Variants in LSAMP observed in about 807,000 individuals in gnomAD.
LSAMP encodes the protein limbic system-associated membrane protein.
In LSAMP, 7 loss-of-function variants were observed where a neutral mutation model predicts 38.6. The observed-to-expected ratio is 0.18, with a 90% CI of 0.10 to 0.34. The LOEUF is 0.34. Among genes scored for constraint, LSAMP ranks in the 10% least tolerant of loss-of-function variants. The pLI is 1.00. For missense variants in LSAMP, 313 were observed against 420.0 expected (o/e 0.75, Z 2.23); for synonymous variants, 154 against 166.8 (o/e 0.92, Z 0.59).
At chr3:116,052,499 T>C (rs896038137) in intron 2 of LSAMP, among the ~76,000 whole-genome samples, 1 of 152,210 alleles carries the variant, frequency 6.6e-6, no homozygotes, top group Admixed American at 6.5e-5. Flanking sequence ...AAATGTACTA[T>C]AAGGATTTCT....
At chr3:116,155,989 A>T (rs1559762912) in intron 1 of LSAMP, among the ~76,000 whole-genome samples, 1 of 152,168 alleles carries the variant, frequency 6.6e-6, no homozygotes. Flanking sequence ...CTTCAGGAAC[A>T]TGTGGCAGGG....
chr3:116,262,651 A>G (rs949098513), intron 1 of LSAMP, among the ~76,000 whole-genome samples: 94 of 152,318 alleles, frequency 6.2e-4, no homozygotes, highest in African/African-American at 2.0e-3. Context: ...CAGTTAGACT[A>G]TTGTATCAGG....
intron 3 of LSAMP, among the ~76,000 whole-genome samples, chr3:115,957,959 T>G (rs1938503412): frequency 6.6e-6 from 1 of 152,020 alleles, no homozygotes; most frequent in Admixed American, 6.6e-5. Context: ...GTAAGAGAGG[T>G]GGAAGGTTTT....
At chr3:116,265,284 T>G (rs1323934018) in intron 1 of LSAMP, among the ~76,000 whole-genome samples, 2 of 152,116 alleles carry the variant, frequency 1.3e-5, no homozygotes, top group African/African-American at 2.4e-5. Context: ...GGAATTGTTT[T>G]TAATTGGGAG....
At chr3:116,410,157 A>G (rs1162433898) in intron 1 of LSAMP, among the ~76,000 whole-genome samples, 4 of 152,100 alleles carry the variant, frequency 2.6e-5, no homozygotes, top group Non-Finnish European at 1.5e-5. Context: ...GTAAATCTCT[A>G]TATAGCACCT....
At chr3:115,997,243 G>T (rs1939840611) in intron 3 of LSAMP, among the ~76,000 whole-genome samples, 1 of 152,058 alleles carries the variant, frequency 6.6e-6, no homozygotes, top group South Asian at 2.1e-4. Flanking sequence ...CAGTAAATAT[G>T]CCCTGGTCAC....
chr3:115,910,907 T>C (rs1937119567), intron 3 of LSAMP, among the ~76,000 whole-genome samples: 4 of 152,202 alleles, frequency 2.6e-5, no homozygotes, highest in Non-Finnish European at 1.5e-5. Flanking sequence ...TGTTCAATAG[T>C]AGAGTAGGGT....
chr3:116,322,295 A>G (rs890633752), intron 1 of LSAMP, among the ~76,000 whole-genome samples: 1 of 152,216 alleles, frequency 6.6e-6, no homozygotes, highest in African/African-American at 2.4e-5. Context: ...GGAATATAAA[A>G]GTACATTTTG....
chr3:116,007,663 AACACACAC>A (rs71616337), intron 3 of LSAMP, among the ~76,000 whole-genome samples: 1 of 150,764 alleles, frequency 6.6e-6, no homozygotes, highest in East Asian at 1.9e-4. Context: ...TATTTTTATA[AACACACAC>A]ACACACACAC....
chr3:116,319,655 C>A (rs1285961376), intron 1 of LSAMP, among the ~76,000 whole-genome samples: 1 of 152,186 alleles, frequency 6.6e-6, no homozygotes, highest in Non-Finnish European at 1.5e-5. Context: ...GCATATCCCT[C>A]TGGATCGGCA....
intron 2 of LSAMP, among the ~76,000 whole-genome samples, chr3:116,077,019 A>G (rs1189406606): frequency 6.6e-6 from 1 of 151,888 alleles, no homozygotes; most frequent in Non-Finnish European, 1.5e-5. Context: ...TATTGTTAGT[A>G]TTCTTAATAT....
At chr3:115,988,461 T>C (rs954492393) in intron 3 of LSAMP, among the ~76,000 whole-genome samples, 38 of 152,116 alleles carry the variant, frequency 2.5e-4, no homozygotes, top group African/African-American at 9.2e-4. Context: ...TTTTGTTTGT[T>C]TGTCTGTTTG....
intron 1 of LSAMP, among the ~76,000 whole-genome samples, chr3:116,195,717 TGA>T (rs1491172121): frequency 2.3e-3 from 117 of 50,296 alleles, no homozygotes; most frequent in African/African-American, 5.1e-3. Flanking sequence ...GAAAAAAAAA[TGA>T]AAAAAAAAAA....
At chr3:116,006,969 C>T (rs112542238) in intron 3 of LSAMP, among the ~76,000 whole-genome samples, 8 of 152,220 alleles carry the variant, frequency 5.3e-5, no homozygotes, top group African/African-American at 9.6e-5. Flanking sequence ...CATAAAGACT[C>T]GGCTATCAGG....
chr3:115,993,828 A>G lies in LSAMP; in HGVS notation c.514+25687T>C, dbSNP rs185381727. Among the ~76,000 whole-genome samples, 475 of 152,162 alleles carry G rather than the reference A, an allele frequency of 3.1e-3. 5 individuals are homozygous for G. Among genetic ancestry groups the G allele is most frequent in the African/African-American group, 0.011 (444 of 41,524 alleles). ...TAGTATGCAATTTTTTATTACTGAC[A>G]AGTGGATGAATCAAAATGAGAATGT... is the stretch of plus-strand genomic sequence containing the variant. On this transcript the variant is annotated intron_variant, in intron 3 of 6. Coordinates refer to ENST00000490035, the MANE Select transcript of LSAMP (RefSeq NM_002338.5).
intron 1 of LSAMP, among the ~76,000 whole-genome samples, chr3:116,366,457 G>C (rs1262935152): frequency 2.0e-5 from 3 of 152,088 alleles, no homozygotes; most frequent in African/African-American, 7.2e-5. Flanking sequence ...ATAGTCTTTT[G>C]ACACTGATTA....
At chr3:116,404,701 CCT>C (rs1412144407) in intron 1 of LSAMP, among the ~76,000 whole-genome samples, 1 of 152,070 alleles carries the variant, frequency 6.6e-6, no homozygotes, top group Non-Finnish European at 1.5e-5. Context: ...GGCTTTTTCT[CCT>C]TGTTAGCCAA....
intron 2 of LSAMP, among the ~76,000 whole-genome samples, chr3:116,066,879 G>A (rs1022003095): frequency 3.3e-5 from 5 of 151,474 alleles, no homozygotes; most frequent in African/African-American, 1.2e-4. Flanking sequence ...CATTCTTCAT[G>A]TTCTTTTTAT....
At chr3:116,135,174 G>T (rs1360059110) in intron 1 of LSAMP, among the ~76,000 whole-genome samples, 2 of 152,074 alleles carry the variant, frequency 1.3e-5, no homozygotes, top group Non-Finnish European at 2.9e-5. Context: ...GCAACACTAG[G>T]ATTCAAATCT....
Sources: gnomAD v4.1 joint callset for allele counts (sites outside exome capture counted in the v4.1 genomes callset) on GRCh38, gnomAD v4.1.1 for gene constraint, MANE v1.5 for transcripts, NCBI Gene and HGNC (gene_info 2026-07-23, HGNC 2026-07-21) for gene names.